The following TAF4 variants were observed in gnomAD, a reference collection of about 807,000 sequenced individuals.
TAF4 encodes transcription initiation factor TFIID subunit 4.
In TAF4, 9 loss-of-function variants were observed where a neutral mutation model predicts 90.3. The observed-to-expected ratio is 0.10, with a 90% confidence interval of 0.06 to 0.17. The LOEUF (loss-of-function observed/expected upper bound fraction) is 0.17. Ranked by LOEUF, TAF4 falls within the 10% of genes least tolerant of loss-of-function variation. TAF4 has a pLI of 1.00. For synonymous variants in TAF4, 818 were observed against 638.9 expected, an observed-to-expected ratio of 1.28 and a Z score of -4.23; for missense variants, 1,351 against 1,370.7, an observed-to-expected ratio of 0.99 and a Z score of 0.23.
At chr20:62,026,468 A>G (rs1446763900) in intron 1 of TAF4, among the ~76,000 whole-genome samples, 1 of 152,176 alleles carries the variant, frequency 6.6e-6, no homozygotes, top group East Asian at 1.9e-4. Flanking sequence ...AATAACACCA[A>G]GCTAGCTCCT....
At chr20:61,989,167 G>A (rs1247195849) in intron 14 of TAF4, among the ~76,000 whole-genome samples, 2 of 151,996 alleles carry the variant, frequency 1.3e-5, no homozygotes, top group Non-Finnish European at 2.9e-5. Flanking sequence ...ATGGAAGGGC[G>A]CACACCACAC....
intron 1 of TAF4, among the ~76,000 whole-genome samples, chr20:62,032,463 G>A (rs1313128855): frequency 6.6e-6 from 1 of 152,228 alleles, no homozygotes; most frequent in East Asian, 1.9e-4. Flanking sequence ...GAGTGCCAGT[G>A]GCAAGAAGAG....
chr20:61,994,554 T>C (rs2055651830), intron 14 of TAF4, among the ~76,000 whole-genome samples: 2 of 152,346 alleles, frequency 1.3e-5, no homozygotes, highest in Middle Eastern at 3.4e-3. Context: ...GCCAAAACTC[T>C]AGTGTCTGTT....
intron 1 of TAF4, among the ~76,000 whole-genome samples, chr20:62,016,035 C>T (rs1250462867): frequency 5.3e-5 from 8 of 152,200 alleles, no homozygotes; most frequent in African/African-American, 1.2e-4. Flanking sequence ...GCCTGGAGCT[C>T]GGGAACGAAG....
intron 1 of TAF4, among the ~76,000 whole-genome samples, chr20:62,015,601 G>A (rs941632267): frequency 2.6e-5 from 4 of 152,270 alleles, no homozygotes; most frequent in Admixed American, 6.5e-5. Flanking sequence ...GCCACCGGCC[G>A]TCCCCACCAC....
chr20:62,035,008 G>C (rs1283548021), intron 1 of TAF4, among the ~76,000 whole-genome samples: 2 of 152,036 alleles, frequency 1.3e-5, no homozygotes, highest in Non-Finnish European at 2.9e-5. Context: ...TTTTAGTAGA[G>C]ACGGGGTTTC....
Position 62,065,865 on chromosome 20 carries a change from A to C in TAF4, c.-55T>G, listed in dbSNP as rs1330625733. 1.7e-6 allele frequency: 2 copies of C among 1,173,560 alleles called. No homozygotes were observed. The highest frequency in any genetic ancestry group is 3.4e-5 in the African/African-American group (2 of 58,580). The allele number at this position is 1,173,560 out of a possible 1,614,324, so 72.7% of individuals were successfully genotyped here. ...CGCTCGGGCCGAGCGCGCCTGGGCG[A>C]GGAGGAGGTTCCGACTGGGGCGGGC... On this transcript the variant is annotated 5_prime_UTR_variant, in exon 1 of 15. Transcript: ENST00000252996.
intron 1 of TAF4, among the ~76,000 whole-genome samples, chr20:62,034,449 G>A (rs183456752): frequency 3.9e-5 from 6 of 152,120 alleles, no homozygotes; most frequent in Non-Finnish European, 7.4e-5. Flanking sequence ...CCAACCTCCT[G>A]AGTAGCTGGG....
chr20:61,983,439 T>C (rs2123098506), intron 14 of TAF4, among the ~76,000 whole-genome samples: 1 of 152,298 alleles, frequency 6.6e-6, no homozygotes, highest in South Asian at 2.1e-4. Context: ...GGCAGGAGGA[T>C]TCCCTGAGGC....
intron 1 of TAF4, among the ~76,000 whole-genome samples, chr20:62,021,178 G>A (rs1302564747): frequency 1.3e-5 from 2 of 152,010 alleles, no homozygotes; most frequent in Non-Finnish European, 2.9e-5. Flanking sequence ...CCAAGGCTCA[G>A]AGGCAAAAAA....
chr20:62,038,418 C>A (rs1201369527), intron 1 of TAF4, among the ~76,000 whole-genome samples: 1 of 152,018 alleles, frequency 6.6e-6, no homozygotes, highest in African/African-American at 2.4e-5. Flanking sequence ...GCCTCAGCCT[C>A]CCAAAGTGCT....
chr20:61,983,111 A>G (rs535030459), intron 14 of TAF4, among the ~76,000 whole-genome samples: 3 of 152,154 alleles, frequency 2.0e-5, no homozygotes, highest in Admixed American at 2.0e-4. Flanking sequence ...CCTGTCACCA[A>G]AAGGCAGAGG....
At chr20:62,008,557 G>C (rs1433104980) in intron 5 of TAF4, among the ~76,000 whole-genome samples, 1 of 150,908 alleles carries the variant, frequency 6.6e-6, no homozygotes, top group Middle Eastern at 3.2e-3. Context: ...GGTGGGGGTG[G>C]GGGGGACGGC....
rs1202355206 is a variant in TAF4 at position 62,054,359 on chromosome 20, T to C, written c.1360+10092A>G. ...TTCCAGGACTTTCTGGCTCTAGAGATCTACAGATCTGTGAATTTGTGCACG... is the reference window on the plus strand; with the variant it reads ...TTCCAGGACTTTCTGGCTCTAGAGACCTACAGATCTGTGAATTTGTGCACG... On this transcript the variant is annotated intron_variant, in intron 1 of 14. Coordinates refer to ENST00000252996, the MANE Select transcript of TAF4 (RefSeq NM_003185.4). Among the ~76,000 whole-genome samples the C allele has an allele frequency of 2.0e-5, 3 of 152,104 alleles. No individual in the cohort carries two copies. In the East Asian group the frequency reaches 5.8e-4, roughly 29 times the overall value.
intron 1 of TAF4, among the ~76,000 whole-genome samples, chr20:62,042,602 T>TCTGCACGCTCCC (rs762303410): frequency 6.6e-5 from 10 of 151,926 alleles, no homozygotes; most frequent in Non-Finnish European, 4.4e-5. Flanking sequence ...CACCTGCCCG[T>TCTGCACGCTCCC]CTGCACGCTC....
At chr20:62,016,351 T>C (rs1410052913) in intron 1 of TAF4, among the ~76,000 whole-genome samples, 1 of 152,238 alleles carries the variant, frequency 6.6e-6, no homozygotes, top group Non-Finnish European at 1.5e-5. Flanking sequence ...GTCAGCGGAC[T>C]GGAAGAGGCA....
intron 14 of TAF4, among the ~76,000 whole-genome samples, chr20:61,982,335 C>A: frequency 1.2e-5 from 1 of 83,244 alleles, no homozygotes. Flanking sequence ...AAACACCAAA[C>A]CCACACCCAC....
At chr20:62,054,450 C>T (rs183055814) in intron 1 of TAF4, among the ~76,000 whole-genome samples, 1 of 152,192 alleles carries the variant, frequency 6.6e-6, no homozygotes, top group Non-Finnish European at 1.5e-5. Flanking sequence ...CACAGCCATG[C>T]TACCTCTGCC....
intron 8 of TAF4, 39 bp from the exon 9 acceptor site, chr20:62,003,313 TTATTAGATCAAC>T (rs768403291): frequency 1.6e-5 from 25 of 1,515,622 alleles, no homozygotes; most frequent in Non-Finnish European, 1.9e-5. Context: ...CACAAGGCTT[TTATTAGATCAAC>T]TATGTGCTTT....
Sources: gnomAD v4.1 joint callset for allele counts (sites outside exome capture counted in the v4.1 genomes callset) on GRCh38, gnomAD v4.1.1 for gene constraint, MANE v1.5 for transcripts, NCBI Gene and HGNC (gene_info 2026-07-23, HGNC 2026-07-21) for gene names.